FAF1: variants seen among roughly 807,000 people sequenced by gnomAD.
FAF1 encodes the protein Fas associated factor 1, also known as FAS-associated factor 1.
A neutral mutation model predicts 92.5 loss-of-function variants in FAF1; 25 were observed. That is an observed-to-expected ratio of 0.27 (90% CI 0.20 to 0.38). The LOEUF (loss-of-function observed/expected upper bound fraction) is 0.38. Among genes scored for constraint, FAF1 ranks in the 10% least tolerant of loss-of-function variants. FAF1 has a pLI of 1.00. For missense variants in FAF1, 636 were observed against 793.3 expected (o/e 0.80, Z 2.38); for synonymous variants, 234 against 273.2 (o/e 0.86, Z 1.42).
intron 7 of FAF1, among the ~76,000 whole-genome samples, chr1:50,656,846 G>C (rs1443137935): frequency 6.6e-6 from 1 of 152,192 alleles, no homozygotes; most frequent in African/African-American, 2.4e-5. Context: ...TCGTGCCACT[G>C]CGCTCCAGCC....
At chr1:50,848,896 C>A (rs1286259378) in intron 2 of FAF1, among the ~76,000 whole-genome samples, 1 of 152,142 alleles carries the variant, frequency 6.6e-6, no homozygotes, top group Non-Finnish European at 1.5e-5. Context: ...TAAATGTGAT[C>A]TTGAACCAGA....
At chr1:50,636,725 A>AT (rs935746777) in intron 8 of FAF1, among the ~76,000 whole-genome samples, 18 of 151,584 alleles carry the variant, frequency 1.2e-4, no homozygotes, top group African/African-American at 7.3e-5. Context: ...CAATTTATCC[A>AT]TTTTTTTTCC....
intron 8 of FAF1, among the ~76,000 whole-genome samples, chr1:50,642,102 C>T (rs929629743): frequency 2.0e-5 from 3 of 151,218 alleles, no homozygotes; most frequent in African/African-American, 7.3e-5. Flanking sequence ...ACTCATGAGG[C>T]TGAGGCACGA....
intron 18 of FAF1, among the ~76,000 whole-genome samples, chr1:50,453,998 G>A (rs2148982346): frequency 6.6e-6 from 1 of 152,294 alleles, no homozygotes; most frequent in East Asian, 1.9e-4. Context: ...GAGATTCCTT[G>A]TCTGTTAAAC....
intron 1 of FAF1, among the ~76,000 whole-genome samples, chr1:50,885,258 T>G (rs1644649130): frequency 6.6e-6 from 1 of 151,942 alleles, no homozygotes; most frequent in South Asian, 2.1e-4. Context: ...TCTCTAGCTA[T>G]TATTGTATTA....
intron 18 of FAF1, among the ~76,000 whole-genome samples, chr1:50,454,506 T>A (rs1646329365): frequency 6.6e-6 from 1 of 152,228 alleles, no homozygotes; most frequent in Non-Finnish European, 1.5e-5. Context: ...TGGAACACAG[T>A]GACCATATAT....
intron 15 of FAF1, among the ~76,000 whole-genome samples, chr1:50,530,238 G>GGTGTGT (rs72220248): frequency 0.21 from 29,264 of 141,272 alleles, 3,326 homozygotes; most frequent in Middle Eastern, 0.36. Flanking sequence ...TTTAAGAAGT[G>GGTGTGT]GTGTGTGTGT....
intron 18 of FAF1, among the ~76,000 whole-genome samples, chr1:50,471,781 T>C (rs1646575637): frequency 6.6e-6 from 1 of 152,094 alleles, no homozygotes; most frequent in Non-Finnish European, 1.5e-5. Flanking sequence ...ATTTTATAAA[T>C]TGAAAGATCT....
intron 6 of FAF1, among the ~76,000 whole-genome samples, chr1:50,734,028 C>G (rs1175195544): frequency 6.6e-6 from 1 of 152,224 alleles, no homozygotes; most frequent in Admixed American, 6.5e-5. Flanking sequence ...AACTCTTGAC[C>G]TCAAGCAATC....
chr1:50,819,692 C>CGTAT (rs1436857058), intron 2 of FAF1, among the ~76,000 whole-genome samples: 5 of 45,614 alleles, frequency 1.1e-4, no homozygotes, highest in Non-Finnish European at 1.8e-4. Context: ...TATATATATA[C>CGTAT]ATATATATAT....
intron 14 of FAF1, among the ~76,000 whole-genome samples, chr1:50,537,753 C>T (rs1342259880): frequency 2.7e-5 from 4 of 150,180 alleles, no homozygotes; most frequent in East Asian, 2.0e-4. Flanking sequence ...TCTGTATTCT[C>T]GTACCTACAT....
intron 2 of FAF1, among the ~76,000 whole-genome samples, chr1:50,839,828 T>C (rs1293823781): frequency 6.6e-6 from 1 of 152,024 alleles, no homozygotes; most frequent in Non-Finnish European, 1.5e-5. Flanking sequence ...AGAAAAAGAA[T>C]TTCAAAAAGC....
At chr1:50,900,385 T>C (rs1557581146) in intron 1 of FAF1, among the ~76,000 whole-genome samples, 1 of 152,226 alleles carries the variant, frequency 6.6e-6, no homozygotes, top group Non-Finnish European at 1.5e-5. Flanking sequence ...TAAGGTGTTT[T>C]TTGTTGCAAT....
At chr1:50,826,794 A>T (rs1336407141) in intron 2 of FAF1, among the ~76,000 whole-genome samples, 1 of 152,224 alleles carries the variant, frequency 6.6e-6, no homozygotes, top group East Asian at 1.9e-4. Context: ...ATAAGAAAAA[A>T]TAGAAAAATC....
chr1:50,898,728 G>A (rs1644774784), intron 1 of FAF1, among the ~76,000 whole-genome samples: 1 of 152,152 alleles, frequency 6.6e-6, no homozygotes, highest in South Asian at 2.1e-4. Flanking sequence ...GAAGTCTTCT[G>A]TCAGTCTTAT....
At chr1:50,686,608 A>AGGGAG (rs1358847385) in intron 7 of FAF1, among the ~76,000 whole-genome samples, 2 of 14,844 alleles carry the variant, frequency 1.3e-4, no homozygotes, top group Admixed American at 1.0e-3. Context: ...AGAGGAGGGG[A>AGGGAG]GGGAGGGGAG....
intron 4 of FAF1, among the ~76,000 whole-genome samples, chr1:50,757,901 G>A (rs1285993660): frequency 2.0e-5 from 3 of 151,870 alleles, no homozygotes; most frequent in Non-Finnish European, 4.4e-5. Flanking sequence ...CACGGTTTCA[G>A]TGATTGCTCT....
chr1:50,824,774 G>A (rs1182716168), intron 2 of FAF1, among the ~76,000 whole-genome samples: 1 of 152,090 alleles, frequency 6.6e-6, no homozygotes, highest in East Asian at 1.9e-4. Flanking sequence ...CCTTAAAAGA[G>A]AATGAAATCA....
intron 6 of FAF1, among the ~76,000 whole-genome samples, chr1:50,714,364 T>G (rs1043038505): frequency 2.7e-5 from 4 of 147,170 alleles, no homozygotes; most frequent in Non-Finnish European, 6.0e-5. Flanking sequence ...AAAAAAAAAA[T>G]TAGCTAGGTG....
Sources: allele counts gnomAD v4.1 joint callset (sites outside exome capture counted in the v4.1 genomes callset), GRCh38; gene constraint gnomAD v4.1.1; transcripts MANE v1.5; gene names NCBI Gene and HGNC (gene_info 2026-07-23, HGNC 2026-07-21).